The following MYBPC1 variants were observed in gnomAD, a reference collection of about 807,000 sequenced individuals.
MYBPC1 encodes the protein myosin-binding protein C, slow-type.
MYBPC1 carries 52 observed loss-of-function variants against 147.1 expected under a neutral mutation model. That is an observed-to-expected ratio of 0.35 (90% CI 0.28 to 0.45). MYBPC1 has a LOEUF of 0.45. Ranked by LOEUF, MYBPC1 falls within the 20% of genes least tolerant of loss-of-function variation. MYBPC1 has a pLI of 1.00. For synonymous variants in MYBPC1, 477 were observed against 475.9 expected (o/e 1.00, Z -0.03); for missense variants, 1,228 against 1,440.3 (o/e 0.85, Z 2.39).
At chr12:101,651,521 G>A (rs774523920) in intron 16 of MYBPC1, 128 bp downstream of exon 16, 162 of 1,209,876 alleles carry the variant, frequency 1.3e-4, no homozygotes, top group Non-Finnish European at 1.9e-4. Flanking sequence ...CTGATTCTTC[G>A]CTTCCAACTA....
intron 11 of MYBPC1, among the ~76,000 whole-genome samples, chr12:101,642,835 C>T (rs1012366888): frequency 2.0e-5 from 3 of 152,092 alleles, no homozygotes; most frequent in Non-Finnish European, 4.4e-5. Context: ...ATTTCTCAGC[C>T]GCCCCCTTTC....
chr12:101,623,938 G>A (rs1887990958), intron 3 of MYBPC1, among the ~76,000 whole-genome samples: 1 of 152,152 alleles, frequency 6.6e-6, no homozygotes, highest in African/African-American at 2.4e-5. Flanking sequence ...GTTGTGGAAT[G>A]TGAATGCATG....
intron 23 of MYBPC1, among the ~76,000 whole-genome samples, chr12:101,670,114 G>A (rs1898296931): frequency 8.0e-6 from 1 of 125,622 alleles, no homozygotes; most frequent in Non-Finnish European, 1.7e-5. Flanking sequence ...AAACATCTCT[G>A]TGTGGAAACC....
At chr12:101,607,448 T>C (rs1882652405) in intron 1 of MYBPC1, among the ~76,000 whole-genome samples, 1 of 152,192 alleles carries the variant, frequency 6.6e-6, no homozygotes, top group South Asian at 2.1e-4. Context: ...AAGCTAGAAT[T>C]TTACTTTGAG....
At chr12:101,688,953 CAAAAAAAAAAAAAAAG>C (rs1951383772), downstream of MYBPC1, among the ~76,000 whole-genome samples, 1 of 68,264 alleles carries the variant, frequency 1.5e-5, no homozygotes, top group African/African-American at 4.2e-5. Context: ...GACCGTATCT[CAAAAAAAAAAAAAAAG>C]AAAAAGAAAA....
chr12:101,653,186 C>G lies in MYBPC1; in HGVS notation c.1705C>G (p.Arg569Gly), dbSNP rs771933802. ...TVTVIAGNKL[R>G]LEIPISGEPP... The stretch of plus-strand genomic sequence containing the variant: ...GACAGTGATTGCAGGAAACAAGCTT[C>G]GTCTTGAGATCCCCATCAGCGGAGA... Residue 569 changes from arginine to glycine, a missense_variant, in exon 18 of 32, where the codon CGT becomes GGT. Arg to Gly is a moderately radical substitution (Grantham distance 125). Around this residue, in one of 2 missense-constraint regions of MYBPC1, gnomAD observed 1,077 missense variants for 1,314.2 expected, o/e 0.82. Transcript: ENST00000361466. The G allele has an allele frequency of 3.1e-6, 5 of 1,614,130 alleles. No homozygotes were observed. The highest frequency in any genetic ancestry group is 4.2e-6 in the Non-Finnish European group (5 of 1,180,020).
At chr12:101,661,028 A>G in intron 19 of MYBPC1, 130 bp from the exon 20 acceptor site, 1 of 636,896 alleles carries the variant, frequency 1.6e-6, no homozygotes, top group Non-Finnish European at 2.8e-6. Flanking sequence ...AGCATAATTC[A>G]GTAAACATGG....
Position 101,634,559 on chromosome 12 carries a change from A to T in MYBPC1, c.562A>T (p.Thr188Ser). The change falls in exon 9 of 32, where the codon ACT becomes TCT. Residue 188 changes from threonine to serine, a missense_variant. Thr to Ser is a moderately conservative substitution (Grantham distance 58). Transcript: ENST00000361466. ...CSFDLEVHES[T>S]GTTPNIDIRS... ...TGTTTTCTTTCCTTTCAAAGAATCTACTGGGACTACTCCAAACATTGACAT... is the reference window on the plus strand; with the variant it reads ...TGTTTTCTTTCCTTTCAAAGAATCTTCTGGGACTACTCCAAACATTGACAT... 6.2e-7 allele frequency: 1 copy of T among 1,612,524 alleles called. No individual in the cohort carries two copies. The highest frequency in any genetic ancestry group is 8.5e-7 in the Non-Finnish European group (1 of 1,178,594).
chr12:101,694,828 AT>A, the MYBPC1 span, among the ~76,000 whole-genome samples: 1 of 151,592 alleles, frequency 6.6e-6, no homozygotes, highest in Non-Finnish European at 1.5e-5. Context: ...TAGTTCATTA[AT>A]TTTTTACTGC....
rs954526834 is a variant in MYBPC1 at position 101,685,812 on chromosome 12, A to AG, written c.*250_*251insG. On this transcript the variant is annotated 3_prime_UTR_variant, in exon 32 of 32. Coordinates refer to ENST00000361466, the MANE Select transcript of MYBPC1 (RefSeq NM_002465.4). ...TTTCTTTCCTCCTAATGTTGAAGAGAAAAAAAAAAAAAAAAGTTTGCCCAG... is the reference window on the plus strand; with the variant it reads ...TTTCTTTCCTCCTAATGTTGAAGAGAGAAAAAAAAAAAAAAAGTTTGCCCAG... 1.1e-4 allele frequency: 15 copies of AG among 134,620 alleles called. No individual in the cohort carries two copies. The highest frequency in any genetic ancestry group is 7.4e-4 in the African/African-American group (12 of 16,170). The allele number at this position is 134,620 out of a possible 1,614,324, so 8.3% of individuals were successfully genotyped here. A position where few individuals can be genotyped will look rare whatever the true frequency, so the allele number is the denominator to read the frequency against.
At chr12:101,684,531 C>T (rs915677192) in intron 31 of MYBPC1, 107 bp downstream of exon 31, 3 of 859,452 alleles carry the variant, frequency 3.5e-6, no homozygotes, top group Admixed American at 4.3e-5. Flanking sequence ...TGAAAATAGA[C>T]TTATTTTAAA....
chr12:101,662,345 T>G lies in MYBPC1; in HGVS notation c.2033-13T>G. On this transcript the variant is annotated splice_polypyrimidine_tract_variant and intron_variant, in intron 20 of 31. Coordinates refer to ENST00000361466, the MANE Select transcript of MYBPC1 (RefSeq NM_002465.4). ...CAAGGAAAAACCTTAGTTTTCATTTTGCATACCTGCAGGATATTTTATTGA... is the reference window on the plus strand; with the variant it reads ...CAAGGAAAAACCTTAGTTTTCATTTGGCATACCTGCAGGATATTTTATTGA... 6.2e-7 allele frequency: 1 copy of G among 1,614,036 alleles called. No homozygotes were observed. The highest frequency in any genetic ancestry group is 1.1e-5 in the South Asian group (1 of 91,066).
chr12:101,665,638 G>A (rs1284510857), intron 22 of MYBPC1, among the ~76,000 whole-genome samples: 1 of 151,888 alleles, frequency 6.6e-6, no homozygotes, highest in African/African-American at 2.4e-5. Context: ...CATCTTCTTT[G>A]TCTGTGTTTC....
chr12:101,685,134 A>T (rs1951277102), intron 31 of MYBPC1, among the ~76,000 whole-genome samples: 1 of 152,144 alleles, frequency 6.6e-6, no homozygotes, highest in African/African-American at 2.4e-5. Context: ...ATCTTTTCTA[A>T]TGTGCTTGAA....
chr12:101,672,160 G>T (rs1249236462), intron 24 of MYBPC1, among the ~76,000 whole-genome samples: 1 of 152,190 alleles, frequency 6.6e-6, no homozygotes, highest in African/African-American at 2.4e-5. Context: ...AAATAAGCTT[G>T]AACTGTTTTT....
intron 1 of MYBPC1, among the ~76,000 whole-genome samples, chr12:101,614,110 C>T (rs1258502991): frequency 1.3e-5 from 2 of 152,142 alleles, no homozygotes; most frequent in African/African-American, 2.4e-5. Flanking sequence ...TAAGATGCGG[C>T]CATTTCTCTA....
intron 15 of MYBPC1, 157 bp from the exon 16 acceptor site, chr12:101,651,074 T>C (rs1241714912): frequency 1.2e-6 from 1 of 817,166 alleles, no homozygotes. Flanking sequence ...CAGAATCAAA[T>C]GTGAAATTAT....
Position 101,629,543 on chromosome 12 carries a change from T to C in MYBPC1, c.288T>C (p.Val96=). The change falls in exon 6 of 32, where the codon GTT becomes GTC. Residue 96 remains valine (V), a splice_region_variant and synonymous_variant. Transcript: ENST00000361466. ...AACCTCAAGGAGGAACAGTGAAAGTTGGTGAGTGCCTAGCATTCAATCCTT... is the reference window on the plus strand; with the variant it reads ...AACCTCAAGGAGGAACAGTGAAAGTCGGTGAGTGCCTAGCATTCAATCCTT... ...IEKPQGGTVK[V]GEDITFIAKV... The C allele has an allele frequency of 6.2e-7, 1 of 1,603,966 alleles. No homozygotes were observed. Among genetic ancestry groups the C allele is most frequent in the Non-Finnish European group, 8.5e-7 (1 of 1,170,926 alleles).
chr12:101,677,366 TA>T lies in MYBPC1; in HGVS notation c.3084del (p.Glu1029ArgfsTer4). ...GCCTCAGTGAGGATGCCACCATGACTAAAGAGAGTGCAGTGATCGCCAGGGA... is the reference window on the plus strand; with the variant it reads ...GCCTCAGTGAGGATGCCACCATGACTAAGAGAGTGCAGTGATCGCCAGGGA... ...CGLSEDATMTKESAVIARDGK... is the reference protein window; with the variant it reads ...CGLSEDATMTXESAVIARDGK... On this transcript the variant is annotated frameshift_variant, in exon 27 of 32. Transcript: ENST00000361466. LOFTEE classifies it high-confidence loss of function. 6.2e-7 allele frequency: 1 copy of T among 1,614,006 alleles called. No individual in the cohort carries two copies. Among genetic ancestry groups the T allele is most frequent in the Non-Finnish European group, 8.5e-7 (1 of 1,179,966 alleles).
Sources: gnomAD v4.1 joint callset for allele counts (sites outside exome capture counted in the v4.1 genomes callset) on GRCh38, gnomAD v4.1.1 for gene constraint, gnomAD v4.1.1 regional missense constraint, MANE v1.5 for transcripts, NCBI Gene and HGNC (gene_info 2026-07-23, HGNC 2026-07-21) for gene names.